MUC12: variants seen among roughly 807,000 people sequenced by gnomAD.
MUC12 encodes the protein mucin 12, cell surface associated, also known as mucin-12.
MUC12 carries 172 observed loss-of-function variants against 230.8 expected under a neutral mutation model. The observed-to-expected ratio is 0.75, with a 90% confidence interval of 0.66 to 0.85. MUC12 has a LOEUF of 0.85. Among genes scored for constraint, MUC12 ranks in the 40% least tolerant of loss-of-function variants. The pLI, the probability that MUC12 is intolerant of heterozygous loss-of-function variation, is 0.00. For synonymous variants in MUC12, 1,259 were observed against 2,401.9 expected (o/e 0.52, Z 13.91); for missense variants, 3,506 against 5,920.6 (o/e 0.59, Z 13.38).
chr7:100,995,930 A>T lies in MUC12; in HGVS notation c.5367A>T (p.Thr1789=). The part of the protein sequence containing the change: ...TQTMHFPESS[T]ASGRSEESRT... Reference sequence around the variant, plus strand: ...CAATGCACTTCCCTGAAAGCTCCACAGCTTCAGGTCGTAGTGAAGAATCAA... The same window carrying T: ...CAATGCACTTCCCTGAAAGCTCCACTGCTTCAGGTCGTAGTGAAGAATCAA... Residue 1789 remains threonine (T), a synonymous_variant, in exon 2 of 12, where the codon ACA becomes ACT. Coordinates refer to ENST00000536621, the MANE Select transcript of MUC12 (RefSeq NM_001164462.2). The T allele has an allele frequency of 2.4e-6, 3 of 1,232,992 alleles. No individual in the cohort carries two copies. Among genetic ancestry groups the T allele is most frequent in the Non-Finnish European group, 3.3e-6 (3 of 907,330 alleles). 76.4% of individuals were successfully genotyped at this position (1,232,992 alleles called of 1,614,324 possible).
chr7:101,001,289 A>C lies in MUC12; in HGVS notation c.10726A>C (p.Thr3576Pro). The C allele has an allele frequency of 6.5e-7, 1 of 1,537,096 alleles. No homozygotes were observed. Among genetic ancestry groups the C allele is most frequent in the East Asian group, 2.4e-5 (1 of 40,932 alleles). Residue 3576 changes from threonine to proline, a missense_variant, in exon 2 of 12, where the codon ACA becomes CCA. Physicochemically the swap from Thr to Pro is conservative, Grantham distance 38. Transcript: ENST00000536621. ...TTALSFGQES[T>P]TFHSSPGSTH... The stretch of plus-strand genomic sequence containing the variant: ...AGCCTTATCCTTTGGTCAAGAATCT[A>C]CAACCTTCCACAGCAGCCCAGGCTC...
At chr7:101,005,579 T>C in intron 2 of MUC12, 60 bp downstream of exon 2, 1 of 1,460,304 alleles carries the variant, frequency 6.8e-7, no homozygotes, top group Admixed American at 2.3e-5. Flanking sequence ...CCATGAGTCT[T>C]CTTCATCCAT....
intron 5 of MUC12, among the ~76,000 whole-genome samples, chr7:101,011,757 A>C (rs1309523427): frequency 2.0e-5 from 3 of 152,048 alleles, no homozygotes; most frequent in Admixed American, 1.3e-4. Flanking sequence ...ATAATATTCC[A>C]CAATAGACCA....
In MUC12 at chr7:100,991,308, T is replaced by G; in HGVS notation, c.745T>G (p.Ser249Ala). 6.5e-7 allele frequency: 1 copy of G among 1,537,784 alleles called. No homozygotes were observed. The highest frequency in any genetic ancestry group is 8.7e-7 in the Non-Finnish European group (1 of 1,147,036). ...NTTTSGLLEA[S>A]TPVHSSTGSP... ...CACAACCTCAGGCCTCCTTGAAGCA[T>G]CTACGCCCGTCCACAGCAGCACTGG... Residue 249 changes from serine (S) to alanine (A), a missense_variant, in exon 2 of 12, where the codon TCT (serine) becomes GCT (alanine). By Grantham distance (99) the Ser-to-Ala change is moderately conservative. Coordinates refer to ENST00000536621, the MANE Select transcript of MUC12 (RefSeq NM_001164462.2).
chr7:100,969,593 A>G lies in MUC12; in HGVS notation c.-30A>G. 1 of 1,537,416 alleles carries G rather than the reference A, an allele frequency of 6.5e-7. No individual in the cohort carries two copies. Among genetic ancestry groups the G allele is most frequent in the Non-Finnish European group, 8.7e-7 (1 of 1,146,934 alleles). ...TCTTGGTCCCTCCTGATGAGAGAAG[A>G]TGGGCAGCCAGGGGCCCGTTCCCCG... On this transcript the variant is annotated 5_prime_UTR_variant, in exon 1 of 12. It removes an upstream start codon present in the reference 5' UTR. Coordinates refer to ENST00000536621, the MANE Select transcript of MUC12 (RefSeq NM_001164462.2).
intron 1 of MUC12, among the ~76,000 whole-genome samples, chr7:100,977,229 A>T (rs1793046507): frequency 6.6e-6 from 1 of 152,106 alleles, no homozygotes; most frequent in African/African-American, 2.4e-5. Context: ...ACAATAAATT[A>T]ACAAACACTA....
At chr7:100,985,429 C>T (rs1393506950) in intron 1 of MUC12, among the ~76,000 whole-genome samples, 2 of 152,172 alleles carry the variant, frequency 1.3e-5, no homozygotes, top group Non-Finnish European at 2.9e-5. Flanking sequence ...CCTCCAGCTG[C>T]ATGGCTCCTA....
chr7:101,004,611 C>T lies in MUC12; in HGVS notation c.14048C>T (p.Ser4683Leu). The T allele has an allele frequency of 1.3e-6, 2 of 1,536,742 alleles. No individual in the cohort carries two copies. The highest frequency in any genetic ancestry group is 1.7e-6 in the Non-Finnish European group (2 of 1,146,144). The change falls in exon 2 of 12, where the codon TCA becomes TTA. Residue 4683 changes from serine to leucine, a missense_variant. Transcript: ENST00000536621. The part of the protein sequence containing the change: ...SSTTSGRSEE[S>L]TASHSSPDTN... ...ACAACCTCCGGCCGTAGTGAGGAAT[C>T]AACAGCATCCCACAGCAGCCCAGAT...
At chr7:101,010,554 C>T (rs1030660119) in intron 5 of MUC12, among the ~76,000 whole-genome samples, 4 of 151,868 alleles carry the variant, frequency 2.6e-5, no homozygotes, top group East Asian at 1.9e-4. Flanking sequence ...CTTGCTCTGT[C>T]GCCTGGGCTG....
chr7:101,017,959 C>T (rs1416363961), intron 11 of MUC12, among the ~76,000 whole-genome samples: 1 of 29,528 alleles, frequency 3.4e-5, no homozygotes, highest in African/African-American at 2.1e-4. Flanking sequence ...CCTCCCTCCC[C>T]CTGGGACCCC....
chr7:100,971,247 G>C (rs1792884864), intron 1 of MUC12, among the ~76,000 whole-genome samples: 1 of 152,284 alleles, frequency 6.6e-6, no homozygotes, highest in Non-Finnish European at 1.5e-5. Flanking sequence ...TCCTTGCTCA[G>C]CCTGGTCGTG....
In MUC12 at chr7:100,995,876, G is replaced by C. The variant is rs202193749; in HGVS notation, c.5313G>C (p.Ala1771=). The C allele has an allele frequency of 2.0e-4, 281 of 1,420,278 alleles. 1 individual carries two copies. The highest frequency in any genetic ancestry group is 8.1e-4 in the African/African-American group (49 of 60,570). 88.0% of individuals were successfully genotyped at this position (1,420,278 alleles called of 1,614,324 possible). The change falls in exon 2 of 12, where the codon GCG becomes GCC. Residue 1771 remains alanine, a synonymous_variant. Coordinates refer to ENST00000536621, the MANE Select transcript of MUC12 (RefSeq NM_001164462.2). Reference sequence around the variant, plus strand: ...CAGGCCTCGTTGAAGAATCTACGGCGTACCACAGCAGCCCGGGCTCAACTC... The same window carrying C: ...CAGGCCTCGTTGAAGAATCTACGGCCTACCACAGCAGCCCGGGCTCAACTC... ...TTSGLVEEST[A]YHSSPGSTQT... is the part of the protein sequence containing the mutation.
At chr7:101,017,732 C>CTCCCTTCTCCCCCT in intron 11 of MUC12, 69 bp downstream of exon 11, 1 of 1,133,410 alleles carries the variant, frequency 8.8e-7, no homozygotes, top group South Asian at 1.5e-5. Flanking sequence ...CCTCTTCCCC[C>CTCCCTTCTCCCCCT]GGGACTCCCT....
chr7:100,972,398 C>A (rs1431652626), intron 1 of MUC12, among the ~76,000 whole-genome samples: 1 of 135,780 alleles, frequency 7.4e-6, no homozygotes, highest in Non-Finnish European at 1.6e-5. Flanking sequence ...CTCCTCCACC[C>A]CTCTAGAGGA....
In MUC12 at chr7:100,992,598, A is replaced by G. The variant is rs2116308451; in HGVS notation, c.2035A>G (p.Thr679Ala). Residue 679 changes from threonine to alanine, a missense_variant, in exon 2 of 12, where the codon ACC becomes GCC. Coordinates refer to ENST00000536621, the MANE Select transcript of MUC12 (RefSeq NM_001164462.2). ...PTTHISARST[T>A]SGLVEESTTY... is the part of the protein sequence containing the mutation. ...AACCCACATTTCTGCCCGCTCCACA[A>G]CCTCAGGCCTCGTTGAAGAATCTAC... The G allele has an allele frequency of 2.6e-6, 4 of 1,537,652 alleles. No homozygotes were observed. In the South Asian group the frequency reaches 3.6e-5, roughly 14 times the overall value.
At chr7:100,972,659 T>A (rs1295645420) in intron 1 of MUC12, among the ~76,000 whole-genome samples, 1 of 152,066 alleles carries the variant, frequency 6.6e-6, no homozygotes, top group African/African-American at 2.4e-5. Context: ...TGCGCCAACA[T>A]GCTCAGCTAA....
intron 10 of MUC12, 151 bp from the exon 11 acceptor site, chr7:101,017,424 A>C: frequency 1.7e-6 from 1 of 601,284 alleles, no homozygotes; most frequent in East Asian, 2.9e-5. Flanking sequence ...CCCGCAGCCC[A>C]GTGATGCAGG....
intron 5 of MUC12, among the ~76,000 whole-genome samples, chr7:101,009,552 G>T (rs954850248): frequency 6.6e-6 from 1 of 152,218 alleles, no homozygotes; most frequent in African/African-American, 2.4e-5. Flanking sequence ...CTGGCAACAG[G>T]CTGGGCGTGG....
rs952800685 is a variant in MUC12, at chr7:101,006,471, G to T, written c.14957G>T (p.Gly4986Val). ...TGCTGTGGATTCTATCTCTCCACAG[G>T]GTTGTGCCAGGAAGGACAAATTTGG... is the stretch of plus-strand genomic sequence containing the variant. ...STESLETLAP[G>V]LCQEGQIWNG... The change falls in exon 3 of 12, where the codon GGG becomes GTG. Residue 4986 changes from glycine to valine, a missense_variant and splice_region_variant. Coordinates refer to ENST00000536621, the MANE Select transcript of MUC12 (RefSeq NM_001164462.2). 1 of 1,536,374 alleles carries T rather than the reference G, an allele frequency of 6.5e-7. No homozygotes were observed. Among genetic ancestry groups the T allele is most frequent in the Non-Finnish European group, 8.7e-7 (1 of 1,146,306 alleles).
Sources: allele counts gnomAD v4.1 joint callset (sites outside exome capture counted in the v4.1 genomes callset), GRCh38; gene constraint gnomAD v4.1.1; transcripts MANE v1.5; gene names NCBI Gene and HGNC (gene_info 2026-07-23, HGNC 2026-07-21).